Variants in SASH1 observed in about 807,000 individuals in gnomAD.
SASH1 encodes the protein SAM and SH3 domain containing 1.
In SASH1, 44 loss-of-function variants were observed where a neutral mutation model predicts 125.2. The ratio of observed to expected loss-of-function variants is 0.35; its 90% CI spans 0.28 to 0.45. The LOEUF (loss-of-function observed/expected upper bound fraction) is 0.45, where lower values mean the gene tolerates loss of function less well. SASH1 is among the 20% of genes least tolerant of loss of function. SASH1 has a pLI of 1.00. For missense variants in SASH1, 1,426 were observed against 1,614.5 expected (o/e 0.88, Z 2.00); for synonymous variants, 639 against 649.1 (o/e 0.98, Z 0.24).
intron 1 of SASH1, among the ~76,000 whole-genome samples, chr6:148,332,484 A>C (rs1781024368): frequency 6.6e-6 from 1 of 152,192 alleles, no homozygotes; most frequent in Non-Finnish European, 1.5e-5. Flanking sequence ...ACAAGTATTT[A>C]AATGAATCTG....
At chr6:148,387,091 C>G (rs923524889) in intron 1 of SASH1, among the ~76,000 whole-genome samples, 4 of 149,004 alleles carry the variant, frequency 2.7e-5, no homozygotes, top group Non-Finnish European at 4.5e-5. Flanking sequence ...CTCTCTCTCT[C>G]TCTCTCTCCT....
At chr6:148,340,780 A>G (rs1280753368), upstream of SASH1, among the ~76,000 whole-genome samples, 1 of 152,180 alleles carries the variant, frequency 6.6e-6, no homozygotes, top group Non-Finnish European at 1.5e-5. Flanking sequence ...TTCTACTTCA[A>G]CACAATGCCT....
At chr6:148,522,695 C>T (rs1038498424) in intron 10 of SASH1, among the ~76,000 whole-genome samples, 1 of 152,212 alleles carries the variant, frequency 6.6e-6, no homozygotes, top group Non-Finnish European at 1.5e-5. Flanking sequence ...CCTCCTCATC[C>T]CAAGCATCTA....
intron 1 of SASH1, among the ~76,000 whole-genome samples, chr6:148,294,592 A>G (rs1779715192): frequency 6.6e-6 from 1 of 152,100 alleles, no homozygotes; most frequent in Non-Finnish European, 1.5e-5. Flanking sequence ...CTACTGTTCT[A>G]TTTATTATTT....
chr6:148,544,035 C>G lies in SASH1; in HGVS notation c.2565C>G (p.Thr855=). 1.2e-6 allele frequency: 2 copies of G among 1,614,092 alleles called. No individual in the cohort carries two copies. Among genetic ancestry groups the G allele is most frequent in the African/African-American group, 1.3e-5 (1 of 75,028 alleles). Residue 855 remains threonine, a synonymous_variant, in exon 18 of 20, where the codon ACC becomes ACG. Coordinates refer to ENST00000367467, the MANE Select transcript of SASH1 (RefSeq NM_015278.5). This position sits in a 1 kb window ranked among gnomAD's most constrained non-coding sequence, Gnocchi z 6.4. ...CTGGTGCTGAGCAAGACGTGCCTAC[C>G]GAGGTGACAGAACCGCCCCCTCAGA... The part of the protein sequence containing the change: ...VEPGAEQDVP[T]EVTEPPPQIV...
At chr6:148,304,432 CA>C (rs1407700167) in intron 1 of SASH1, among the ~76,000 whole-genome samples, 111 of 95,798 alleles carry the variant, frequency 1.2e-3, no homozygotes, top group Middle Eastern at 6.0e-3. Context: ...GACTCCGTCT[CA>C]AAAAAAAAAA....
chr6:148,198,299 C>A, the SASH1 span, among the ~76,000 whole-genome samples: 2 of 152,200 alleles, frequency 1.3e-5, no homozygotes, highest in Admixed American at 6.5e-5. Context: ...AATTAAACTT[C>A]TTTCCTTTAT....
the SASH1 span, among the ~76,000 whole-genome samples, chr6:148,251,686 T>A: frequency 3.3e-5 from 5 of 152,160 alleles, no homozygotes; most frequent in East Asian, 3.9e-4. Context: ...TCTTTTTTTT[T>A]TAAATTATTA....
At chr6:148,362,313 C>T (rs1782266786) in intron 1 of SASH1, among the ~76,000 whole-genome samples, 2 of 151,278 alleles carry the variant, frequency 1.3e-5, no homozygotes, top group South Asian at 2.1e-4. Context: ...ACCTCTGCCT[C>T]TCTGGTTTAA....
upstream of SASH1, among the ~76,000 whole-genome samples, chr6:148,339,023 A>G (rs1426926165): frequency 2.2e-4 from 32 of 142,746 alleles, no homozygotes; most frequent in African/African-American, 5.4e-4. Context: ...AAAAAAAAAA[A>G]AGAGAGAGAG....
chr6:148,519,623 G>A lies in SASH1; in HGVS notation c.939G>A (p.Lys313=). The A allele has an allele frequency of 6.2e-7, 1 of 1,614,160 alleles. No individual in the cohort carries two copies. Among genetic ancestry groups the A allele is most frequent in the Non-Finnish European group, 8.5e-7 (1 of 1,180,038 alleles). Residue 313 remains lysine, a synonymous_variant, in exon 10 of 20, where the codon AAG becomes AAA. Coordinates refer to ENST00000367467, the MANE Select transcript of SASH1 (RefSeq NM_015278.5). This position sits in a 1 kb window ranked among gnomAD's most constrained non-coding sequence, Gnocchi z 4.8. ...RSALYSGVHK[K]PLFFDGSPEK... ...CCCTCTACTCTGGCGTGCACAAGAA[G>A]CCCCTTTTCTTTGATGGCTCTCCTG...
At chr6:148,539,345 C>T (rs1317117386) in intron 16 of SASH1, among the ~76,000 whole-genome samples, 1 of 151,864 alleles carries the variant, frequency 6.6e-6, no homozygotes, top group Non-Finnish European at 1.5e-5. Flanking sequence ...TTTTTTATCC[C>T]TAGACTCCCC....
chr6:148,524,117 A>T (rs368418992), intron 10 of SASH1, among the ~76,000 whole-genome samples: 36,781 of 94,932 alleles, frequency 0.39, 5,240 homozygotes, highest in East Asian at 0.5. Context: ...ATATATATAT[A>T]TATATTTTTT....
intron 12 of SASH1, among the ~76,000 whole-genome samples, chr6:148,531,128 A>G (rs555436808): frequency 4.3e-4 from 65 of 152,232 alleles, no homozygotes; most frequent in African/African-American, 1.5e-3. Flanking sequence ...TAGATTAAAT[A>G]TCCTCTGACT....
chr6:148,409,635 GT>G (rs1371670742), intron 2 of SASH1, among the ~76,000 whole-genome samples: 1 of 152,222 alleles, frequency 6.6e-6, no homozygotes, highest in Non-Finnish European at 1.5e-5. Context: ...CAGCCACAAA[GT>G]ATGTATCAAG....
At chr6:148,397,764 C>T (rs1023326282) in intron 2 of SASH1, among the ~76,000 whole-genome samples, 1 of 152,156 alleles carries the variant, frequency 6.6e-6, no homozygotes, top group East Asian at 1.9e-4. Flanking sequence ...TGAATTCATT[C>T]ATGTGTGTAA....
At chr6:148,498,926 G>A (rs967561694) in intron 8 of SASH1, among the ~76,000 whole-genome samples, 4 of 152,080 alleles carry the variant, frequency 2.6e-5, no homozygotes, top group East Asian at 1.9e-4. Flanking sequence ...ATTGTTATTC[G>A]TAAGTAGAAT....
chr6:148,548,163 C>CTCAG, intron 19 of SASH1, 132 bp from the exon 20 acceptor site: 1 of 779,376 alleles, frequency 1.3e-6, no homozygotes, highest in Non-Finnish European at 2.0e-6. Context: ...ATCTCTGACA[C>CTCAG]TCATTGCATT....
chr6:148,484,730 C>CA (rs1778769796), intron 7 of SASH1, among the ~76,000 whole-genome samples: 2 of 152,130 alleles, frequency 1.3e-5, no homozygotes, highest in Admixed American at 6.5e-5. Context: ...CACTTGAGCC[C>CA]AGGAGTTCGA....
Sources: allele counts gnomAD v4.1 joint callset (sites outside exome capture counted in the v4.1 genomes callset), GRCh38; gene constraint gnomAD v4.1.1; non-coding constraint Gnocchi (gnomAD v3.1); transcripts MANE v1.5; gene names NCBI Gene and HGNC (gene_info 2026-07-23, HGNC 2026-07-21).